Variants in CTNNA3 observed in about 807,000 individuals in gnomAD.
CTNNA3 encodes the protein catenin alpha 3.
In CTNNA3, 76 loss-of-function variants were observed where a neutral mutation model predicts 95.7. The observed-to-expected ratio is 0.79, with a 90% CI of 0.66 to 0.96. The LOEUF is 0.96. Among genes scored for constraint, CTNNA3 ranks in the 40% least tolerant of loss-of-function variants. CTNNA3 has a pLI of 0.00. For missense variants in CTNNA3, 1,191 were observed against 1,089.8 expected, an observed-to-expected ratio of 1.09 and a Z score of -1.31; for synonymous variants, 431 against 374.4, an observed-to-expected ratio of 1.15 and a Z score of -1.74.
At chr10:67,409,944 T>G (rs974330918) in intron 5 of CTNNA3, among the ~76,000 whole-genome samples, 1 of 152,094 alleles carries the variant, frequency 6.6e-6, no homozygotes, top group Non-Finnish European at 1.5e-5. Context: ...TGGAAGACAG[T>G]GTGGCAATTC....
chr10:67,003,915 T>C (rs1017076557), intron 7 of CTNNA3, among the ~76,000 whole-genome samples: 1 of 152,204 alleles, frequency 6.6e-6, no homozygotes, highest in African/African-American at 2.4e-5. Flanking sequence ...AGACTATACC[T>C]TGCACATGTT....
chr10:67,250,101 G>T (rs1450119806), intron 5 of CTNNA3, among the ~76,000 whole-genome samples: 1 of 151,938 alleles, frequency 6.6e-6, no homozygotes, highest in Non-Finnish European at 1.5e-5. Context: ...AGATTCAGTT[G>T]ACCCTTGAAC....
At chr10:67,652,888 T>C (rs1374160214) in intron 1 of CTNNA3, among the ~76,000 whole-genome samples, 2 of 152,214 alleles carry the variant, frequency 1.3e-5, no homozygotes, top group Non-Finnish European at 2.9e-5. Context: ...ACCTAGCAAA[T>C]GAGAAGTGCT....
At chr10:66,759,267 C>T (rs1839503364) in intron 9 of CTNNA3, among the ~76,000 whole-genome samples, 1 of 152,122 alleles carries the variant, frequency 6.6e-6, no homozygotes, top group Non-Finnish European at 1.5e-5. Context: ...GCATTTGGTA[C>T]TTTAATGTGT....
intron 10 of CTNNA3, among the ~76,000 whole-genome samples, chr10:66,601,983 G>A (rs1040522176): frequency 1.3e-5 from 2 of 151,854 alleles, no homozygotes; most frequent in Non-Finnish European, 1.5e-5. Context: ...TAGGATGTAG[G>A]GGACACTAGC....
At position 65,988,812 on chromosome 10, in the gene CTNNA3, A is replaced by G. The variant is rs1250966087; in HGVS notation, c.2160-15T>C. ...GTCCTTTGCCCCTGGAAAAAAATTT[A>G]TATATGTTAGCTGTGGTGTTCATGA... On this transcript the variant is annotated splice_polypyrimidine_tract_variant and intron_variant, in intron 15 of 17. Coordinates refer to ENST00000433211, the MANE Select transcript of CTNNA3 (RefSeq NM_013266.4). 1.3e-6 allele frequency: 2 copies of G among 1,588,250 alleles called. No homozygotes were observed. The highest frequency in any genetic ancestry group is 1.7e-6 in the Non-Finnish European group (2 of 1,158,068).
At chr10:65,951,826 G>A (rs897585178) in intron 17 of CTNNA3, among the ~76,000 whole-genome samples, 4 of 152,064 alleles carry the variant, frequency 2.6e-5, no homozygotes, top group Non-Finnish European at 2.9e-5. Flanking sequence ...TCAGGAGATC[G>A]AGACCATCCT....
At chr10:66,867,364 G>C (rs1441222226) in intron 7 of CTNNA3, among the ~76,000 whole-genome samples, 2 of 152,156 alleles carry the variant, frequency 1.3e-5, no homozygotes, top group Non-Finnish European at 2.9e-5. Context: ...TTCACAGAAA[G>C]TTATTAATTG....
chr10:66,455,198 G>A (rs896452109), intron 11 of CTNNA3, among the ~76,000 whole-genome samples: 1 of 152,048 alleles, frequency 6.6e-6, no homozygotes, highest in Admixed American at 6.6e-5. Context: ...TTAAGATTGG[G>A]AACAAGGCAA....
chr10:67,691,760 T>G (rs1449461584), intron 1 of CTNNA3, among the ~76,000 whole-genome samples: 2 of 139,192 alleles, frequency 1.4e-5, no homozygotes, highest in Non-Finnish European at 3.1e-5. Context: ...GGGAGGGAGG[T>G]GGGGGGGTCA....
chr10:66,043,274 G>T (rs1381734588), intron 15 of CTNNA3, among the ~76,000 whole-genome samples: 4 of 152,112 alleles, frequency 2.6e-5, no homozygotes, highest in Non-Finnish European at 5.9e-5. Flanking sequence ...ATGTGACTTG[G>T]AAGTATATTG....
intron 7 of CTNNA3, among the ~76,000 whole-genome samples, chr10:66,783,583 G>A (rs1350429432): frequency 1.3e-5 from 2 of 151,994 alleles, no homozygotes; most frequent in East Asian, 1.9e-4. Context: ...GCGTCTGTAC[G>A]AACGTGGAGA....
chr10:67,135,283 C>CA (rs935115172), intron 7 of CTNNA3, among the ~76,000 whole-genome samples: 1 of 152,044 alleles, frequency 6.6e-6, no homozygotes, highest in African/African-American at 2.4e-5. Flanking sequence ...TCTGACATAA[C>CA]AAAAATATAG....
intron 7 of CTNNA3, among the ~76,000 whole-genome samples, chr10:66,941,335 G>A (rs1847982958): frequency 6.6e-6 from 1 of 152,152 alleles, no homozygotes; most frequent in African/African-American, 2.4e-5. Flanking sequence ...CATTTCTCGA[G>A]TGCATTTTAA....
intron 12 of CTNNA3, among the ~76,000 whole-genome samples, chr10:66,309,131 A>G (rs1390266838): frequency 6.6e-6 from 1 of 152,210 alleles, no homozygotes; most frequent in African/African-American, 2.4e-5. Flanking sequence ...TCTATTTTGT[A>G]CAAATGTGTT....
chr10:66,879,008 C>G (rs1279131974), intron 7 of CTNNA3, among the ~76,000 whole-genome samples: 1 of 152,090 alleles, frequency 6.6e-6, no homozygotes, highest in Admixed American at 6.6e-5. Flanking sequence ...GTCTTGTAGA[C>G]TTTGTCATTT....
intron 1 of CTNNA3, among the ~76,000 whole-genome samples, chr10:67,687,375 A>G (rs1269697991): frequency 6.6e-6 from 1 of 152,188 alleles, no homozygotes; most frequent in African/African-American, 2.4e-5. Flanking sequence ...GTGAGGGAGC[A>G]GCTTATTTCT....
chr10:67,524,582 A>G (rs1840087014), intron 4 of CTNNA3, among the ~76,000 whole-genome samples: 1 of 152,150 alleles, frequency 6.6e-6, no homozygotes, highest in Non-Finnish European at 1.5e-5. Flanking sequence ...AACTTTTGTT[A>G]TCAGGAATTA....
chr10:66,342,534 C>T (rs2092464553), intron 12 of CTNNA3, among the ~76,000 whole-genome samples: 1 of 151,960 alleles, frequency 6.6e-6, no homozygotes, highest in Non-Finnish European at 1.5e-5. Context: ...TCTACATAGT[C>T]AATAAGATTT....
Sources: allele counts gnomAD v4.1 joint callset (sites outside exome capture counted in the v4.1 genomes callset), GRCh38; gene constraint gnomAD v4.1.1; transcripts MANE v1.5; gene names NCBI Gene and HGNC (gene_info 2026-07-23, HGNC 2026-07-21).